Variants in LRP1B observed in about 807,000 individuals in gnomAD.
The protein encoded by LRP1B is LDL receptor related protein 1B, also known as low-density lipoprotein receptor-related protein 1B.
In LRP1B, 217 loss-of-function variants were observed where a neutral mutation model predicts 556.6. That is an observed-to-expected ratio of 0.39 (90% CI 0.35 to 0.44). The LOEUF (loss-of-function observed/expected upper bound fraction) is 0.44. LRP1B is among the 20% of genes least tolerant of loss of function. The pLI, the probability that LRP1B is intolerant of heterozygous loss-of-function variation, is 1.00. For synonymous variants in LRP1B, 2,047 were observed against 1,865.8 expected, an observed-to-expected ratio of 1.10 and a Z score of -2.50; for missense variants, 5,053 against 5,620.8, an observed-to-expected ratio of 0.90 and a Z score of 3.23.
chr2:140,915,952 C>T (rs1022800790), intron 21 of LRP1B, among the ~76,000 whole-genome samples: 16 of 151,746 alleles, frequency 1.1e-4, no homozygotes, highest in African/African-American at 3.9e-4. Context: ...GGTGTGAACC[C>T]AGGAGACAGA....
chr2:141,610,404 T>A (rs141330393), intron 2 of LRP1B, among the ~76,000 whole-genome samples: 2,539 of 148,204 alleles, frequency 0.017, 53 homozygotes, highest in Non-Finnish European at 0.022. Context: ...GTAAACAGTG[T>A]TTCCCTCAGA....
At chr2:140,886,624 G>GC (rs1693643628) in intron 23 of LRP1B, among the ~76,000 whole-genome samples, 1 of 148,248 alleles carries the variant, frequency 6.7e-6, no homozygotes. Flanking sequence ...AGGATTTTCT[G>GC]TTTTTTTTTT....
In LRP1B at chr2:141,361,570, C is replaced by T. The variant is rs140096200; in HGVS notation, c.344-106929G>A. Among the ~76,000 whole-genome samples, 1,175 of 152,200 alleles carry T rather than the reference C, an allele frequency of 7.7e-3. 11 individuals are homozygous for T. Among genetic ancestry groups the T allele is most frequent in the African/African-American group, 0.024 (1,013 of 41,538 alleles). ...AAATACTCGACAGTAAAACATATCT[C>T]GATGTGTCTCAGTATTGGAAATCAT... On this transcript the variant is annotated intron_variant, in intron 3 of 90. Transcript: ENST00000389484.
At chr2:141,348,214 T>C (rs1360333065) in intron 3 of LRP1B, among the ~76,000 whole-genome samples, 1 of 152,050 alleles carries the variant, frequency 6.6e-6, no homozygotes, top group Non-Finnish European at 1.5e-5. Flanking sequence ...GTGACAAATA[T>C]GTACCTGTAA....
chr2:141,082,680 A>G (rs534818126), intron 7 of LRP1B, among the ~76,000 whole-genome samples: 1 of 152,222 alleles, frequency 6.6e-6, no homozygotes, highest in South Asian at 2.1e-4. Flanking sequence ...ATCCATGATC[A>G]GGTGTGGCAG....
chr2:141,941,648 T>C (rs954138312), intron 1 of LRP1B, among the ~76,000 whole-genome samples: 30 of 152,136 alleles, frequency 2.0e-4, no homozygotes, highest in Non-Finnish European at 2.8e-4. Flanking sequence ...TCAGGGAACC[T>C]GGGAGCACGT....
chr2:140,690,808 T>C (rs1454888009), intron 41 of LRP1B, among the ~76,000 whole-genome samples: 5 of 152,192 alleles, frequency 3.3e-5, no homozygotes, highest in Admixed American at 1.3e-4. Context: ...ATTTTTACCC[T>C]TTTCCTATCT....
rs376869363 is a variant in LRP1B at position 141,799,032 on chromosome 2, C to T, written c.205+11247G>A. ...GAGAAAGGCCAAAGAATGAAACCAA[C>T]CCTACCGAGACCTTGATTTCAGAAT... is the stretch of plus-strand genomic sequence containing the variant. On this transcript the variant is annotated intron_variant, in intron 2 of 90. Transcript: ENST00000389484. Among the ~76,000 whole-genome samples, 15 of 152,170 alleles carry T rather than the reference C, an allele frequency of 9.9e-5. No homozygotes were observed. In the South Asian group the frequency reaches 3.1e-3, roughly 32 times the overall value.
At chr2:141,015,948 C>A (rs2105389992) in intron 12 of LRP1B, 33 bp from the exon 13 acceptor site, 1 of 1,502,832 alleles carries the variant, frequency 6.7e-7, no homozygotes, top group Non-Finnish European at 9.3e-7. Context: ...AAAATGCATA[C>A]ATGTTATTAC....
chr2:141,119,726 G>T (rs1170292973), intron 7 of LRP1B, among the ~76,000 whole-genome samples: 8 of 151,606 alleles, frequency 5.3e-5, no homozygotes, highest in Non-Finnish European at 1.5e-5. Flanking sequence ...TTGTGTGTGT[G>T]TGTGTGTGTG....
At chr2:141,634,704 A>AT (rs1358051399) in intron 2 of LRP1B, among the ~76,000 whole-genome samples, 5 of 151,930 alleles carry the variant, frequency 3.3e-5, no homozygotes, top group Non-Finnish European at 7.4e-5. Context: ...TATAGCTAAT[A>AT]TTTTTTATAT....
intron 37 of LRP1B, among the ~76,000 whole-genome samples, chr2:140,706,621 T>C (rs1265710035): frequency 2.6e-5 from 4 of 152,118 alleles, no homozygotes; most frequent in Admixed American, 1.3e-4. Context: ...AGGAAGACAG[T>C]GCAATGAGCA....
In LRP1B at chr2:140,373,149, A is replaced by G. The variant is rs1387373028; in HGVS notation, c.10639-12T>C. Reference sequence around the variant, plus strand: ...GTCTCACAATTTCTCTATGAAAAACAACAGAGATATAATCAAAATTAAAAT... The same window carrying G: ...GTCTCACAATTTCTCTATGAAAAACGACAGAGATATAATCAAAATTAAAAT... On this transcript the variant is annotated splice_polypyrimidine_tract_variant and intron_variant, in intron 68 of 90. Coordinates refer to ENST00000389484, the MANE Select transcript of LRP1B (RefSeq NM_018557.3). 1.2e-6 allele frequency: 2 copies of G among 1,611,246 alleles called. No homozygotes were observed.
intron 79 of LRP1B, among the ~76,000 whole-genome samples, chr2:140,330,231 A>C (rs1267209578): frequency 1.4e-5 from 2 of 147,452 alleles, no homozygotes; most frequent in Non-Finnish European, 3.0e-5. Context: ...AATAATAATA[A>C]TAATAATAAT....
At chr2:141,971,464 C>A (rs915935502) in intron 1 of LRP1B, among the ~76,000 whole-genome samples, 4 of 151,448 alleles carry the variant, frequency 2.6e-5, no homozygotes, top group African/African-American at 9.7e-5. Context: ...TGTTCAATAT[C>A]AGGGCCTTTC....
intron 1 of LRP1B, among the ~76,000 whole-genome samples, chr2:142,066,784 T>G (rs1300096514): frequency 1.3e-5 from 2 of 151,640 alleles, no homozygotes; most frequent in East Asian, 3.9e-4. Context: ...TTCTCAGTGC[T>G]TTGTTACAGT....
intron 7 of LRP1B, among the ~76,000 whole-genome samples, chr2:141,172,876 G>T (rs1037764754): frequency 6.6e-6 from 1 of 151,862 alleles, no homozygotes; most frequent in African/African-American, 2.4e-5. Flanking sequence ...CAAAAAGTAA[G>T]AGGATCTAAA....
intron 2 of LRP1B, among the ~76,000 whole-genome samples, chr2:141,536,888 G>A (rs998842051): frequency 1.3e-5 from 2 of 151,904 alleles, no homozygotes; most frequent in Non-Finnish European, 2.9e-5. Context: ...CAGAGACCAG[G>A]AAATTAAACT....
At chr2:141,554,502 T>G (rs186097083) in intron 2 of LRP1B, among the ~76,000 whole-genome samples, 44 of 151,714 alleles carry the variant, frequency 2.9e-4, no homozygotes, top group Admixed American at 1.2e-3. Context: ...AATGCAGGAT[T>G]AGAGAGTACA....
Sources: allele counts gnomAD v4.1 joint callset (sites outside exome capture counted in the v4.1 genomes callset), GRCh38; gene constraint gnomAD v4.1.1; transcripts MANE v1.5; gene names NCBI Gene and HGNC (gene_info 2026-07-23, HGNC 2026-07-21).